GRID2: variants seen among roughly 807,000 people sequenced by gnomAD.
GRID2 encodes glutamate receptor ionotropic, delta-2.
A neutral mutation model predicts 114.8 loss-of-function variants in GRID2; 33 were observed. The ratio of observed to expected loss-of-function variants is 0.29; its 90% confidence interval spans 0.22 to 0.38. The LOEUF (loss-of-function observed/expected upper bound fraction) is 0.38. GRID2 is among the 10% of genes least tolerant of loss of function. GRID2 has a pLI of 1.00. For synonymous variants in GRID2, 505 were observed against 449.9 expected, an observed-to-expected ratio of 1.12 and a Z score of -1.55; for missense variants, 1,184 against 1,257.7, an observed-to-expected ratio of 0.94 and a Z score of 0.89.
chr4:93,054,032 AC>A (rs1199033210), intron 2 of GRID2, among the ~76,000 whole-genome samples: 1 of 151,798 alleles, frequency 6.6e-6, no homozygotes, highest in Non-Finnish European at 1.5e-5. Context: ...TGTCCAACAG[AC>A]CCCCAAGGCA....
At chr4:92,335,077 G>T (rs1206154661) in intron 1 of GRID2, among the ~76,000 whole-genome samples, 2 of 152,210 alleles carry the variant, frequency 1.3e-5, no homozygotes, top group Non-Finnish European at 2.9e-5. Context: ...CTCTTCAGCA[G>T]TTGACTACTA....
chr4:92,527,654 C>A (rs1725110099), intron 1 of GRID2, among the ~76,000 whole-genome samples: 2 of 151,904 alleles, frequency 1.3e-5, no homozygotes, highest in African/African-American at 4.8e-5. Context: ...GGTAATAAGA[C>A]AGAAAAAATT....
chr4:92,660,214 G>T (rs1732453453), intron 2 of GRID2, among the ~76,000 whole-genome samples: 1 of 151,266 alleles, frequency 6.6e-6, no homozygotes, highest in Non-Finnish European at 1.5e-5. Context: ...CAAAAGTGAT[G>T]TGTTTTATTC....
intron 13 of GRID2, among the ~76,000 whole-genome samples, chr4:93,615,383 GA>G: frequency 6.6e-6 from 1 of 152,242 alleles, no homozygotes; most frequent in Non-Finnish European, 1.5e-5. Context: ...TAAAGCACAA[GA>G]GTAATTTGAA....
chr4:92,679,869 C>G (rs77475501), intron 2 of GRID2, among the ~76,000 whole-genome samples: 3,091 of 151,660 alleles, frequency 0.02, 41 homozygotes, highest in Non-Finnish European at 0.033. Flanking sequence ...TTTCTTTCTT[C>G]TGATACGTAA....
intron 5 of GRID2, among the ~76,000 whole-genome samples, chr4:93,208,563 G>A (rs1743082858): frequency 6.6e-6 from 1 of 151,932 alleles, no homozygotes; most frequent in Admixed American, 6.6e-5. Context: ...CTGAGGGAAT[G>A]AGGTCCATAG....
chr4:93,601,244 G>A (rs1739647269), intron 13 of GRID2, among the ~76,000 whole-genome samples: 1 of 152,102 alleles, frequency 6.6e-6, no homozygotes, highest in African/African-American at 2.4e-5. Flanking sequence ...TGGACAGTTG[G>A]ACTGGATTAA....
intron 2 of GRID2, among the ~76,000 whole-genome samples, chr4:92,653,598 T>C (rs1210037941): frequency 6.6e-6 from 1 of 151,988 alleles, no homozygotes; most frequent in African/African-American, 2.4e-5. Context: ...TTCTATCAAA[T>C]ATATTTTGGT....
At chr4:93,470,719 A>C (rs952956838) in intron 11 of GRID2, among the ~76,000 whole-genome samples, 1 of 152,148 alleles carries the variant, frequency 6.6e-6, no homozygotes, top group African/African-American at 2.4e-5. Flanking sequence ...ACACTAATTG[A>C]CAAAATTAAA....
At chr4:92,772,346 A>G (rs1738583307) in intron 2 of GRID2, among the ~76,000 whole-genome samples, 4 of 152,022 alleles carry the variant, frequency 2.6e-5, no homozygotes, top group Admixed American at 2.6e-4. Context: ...TCATTTACAT[A>G]CCTTCTTACC....
At chr4:93,174,038 G>A (rs537900614) in intron 4 of GRID2, among the ~76,000 whole-genome samples, 212 of 152,142 alleles carry the variant, frequency 1.4e-3, no homozygotes, top group Admixed American at 2.0e-3. Context: ...CCTGGATTTC[G>A]TCTTACATAA....
chr4:93,423,038 A>G (rs1023409589), intron 10 of GRID2, 70 bp downstream of exon 10: 10 of 1,021,986 alleles, frequency 9.8e-6, no homozygotes, highest in Admixed American at 3.7e-5. Context: ...TAAAGGTTCA[A>G]CAGTAACACC....
chr4:93,710,754 G>A (rs1728414303), intron 14 of GRID2, among the ~76,000 whole-genome samples: 1 of 152,112 alleles, frequency 6.6e-6, no homozygotes, highest in Non-Finnish European at 1.5e-5. Flanking sequence ...AATCTATTTG[G>A]TGCTTTATTT....
chr4:93,108,963 G>C (rs967481000), intron 3 of GRID2, among the ~76,000 whole-genome samples: 1 of 152,062 alleles, frequency 6.6e-6, no homozygotes, highest in African/African-American at 2.4e-5. Flanking sequence ...TTGGTTCTGG[G>C]GTGAGGCCCA....
chr4:92,304,796 A>G, intron 1 of GRID2, 52 bp downstream of exon 1: 2 of 1,294,882 alleles, frequency 1.5e-6, no homozygotes, highest in Non-Finnish European at 2.2e-6. Context: ...TCAGTTCTCA[A>G]ATGTTTCCCC....
intron 14 of GRID2, among the ~76,000 whole-genome samples, chr4:93,687,869 T>A (rs569308437): frequency 6.6e-6 from 1 of 151,880 alleles, no homozygotes; most frequent in South Asian, 2.1e-4. Context: ...AAGTATATTA[T>A]GTATGAATTC....
At chr4:92,427,308 C>T (rs1174764560) in intron 1 of GRID2, among the ~76,000 whole-genome samples, 1 of 151,816 alleles carries the variant, frequency 6.6e-6, no homozygotes, top group East Asian at 1.9e-4. Context: ...AAACGTATGA[C>T]AAATATATTT....
chr4:92,527,385 T>C (rs906811953), intron 1 of GRID2, among the ~76,000 whole-genome samples: 5 of 152,124 alleles, frequency 3.3e-5, no homozygotes, highest in African/African-American at 7.2e-5. Flanking sequence ...AGTGTATGTT[T>C]TAAAATGATA....
At chr4:92,924,163 A>C (rs1010350784) in intron 2 of GRID2, among the ~76,000 whole-genome samples, 2 of 152,046 alleles carry the variant, frequency 1.3e-5, no homozygotes, top group African/African-American at 4.8e-5. Flanking sequence ...AAAACCAAAC[A>C]CCACATGTTC....
Sources: gnomAD v4.1 joint callset for allele counts (sites outside exome capture counted in the v4.1 genomes callset) on GRCh38, gnomAD v4.1.1 for gene constraint, MANE v1.5 for transcripts, NCBI Gene and HGNC (gene_info 2026-07-23, HGNC 2026-07-21) for gene names.